QTMAN: variants seen among roughly 807,000 people sequenced by gnomAD.
QTMAN encodes the protein tRNA-queuosine alpha-mannosyltransferase.
chr2:144,091,676 C>A, the QTMAN span, among the ~76,000 whole-genome samples: 72 of 152,210 alleles, frequency 4.7e-4, no homozygotes, highest in Admixed American at 5.2e-4. Flanking sequence ...CTATTCCACT[C>A]CTAGGTATTT....
the QTMAN span, among the ~76,000 whole-genome samples, chr2:143,989,929 C>A: frequency 6.6e-6 from 1 of 152,118 alleles, no homozygotes; most frequent in Admixed American, 6.5e-5. Flanking sequence ...AATCTATTAT[C>A]CCTGAATCGA....
At chr2:143,956,749 C>G in the QTMAN span, among the ~76,000 whole-genome samples, 3 of 152,186 alleles carry the variant, frequency 2.0e-5, no homozygotes, top group East Asian at 5.8e-4. Context: ...TTCATGTGCA[C>G]AAGACATTAA....
chr2:144,064,329 T>C, the QTMAN span, among the ~76,000 whole-genome samples: 1 of 152,240 alleles, frequency 6.6e-6, no homozygotes, highest in Non-Finnish European at 1.5e-5. Context: ...GGCTGTGGTC[T>C]GTACATTAGA....
At chr2:144,112,459 G>A in the QTMAN span, among the ~76,000 whole-genome samples, 1 of 152,250 alleles carries the variant, frequency 6.6e-6, no homozygotes, top group African/African-American at 2.4e-5. Flanking sequence ...TATTAAAGAA[G>A]TCAGCAACCT....
chr2:144,193,173 G>C, the QTMAN span, among the ~76,000 whole-genome samples: 1 of 151,764 alleles, frequency 6.6e-6, no homozygotes, highest in Non-Finnish European at 1.5e-5. Context: ...GTGTTTACTA[G>C]ATAAGAGAGC....
At chr2:144,069,284 T>A in the QTMAN span, among the ~76,000 whole-genome samples, 1 of 142,734 alleles carries the variant, frequency 7.0e-6, no homozygotes, top group Non-Finnish European at 1.5e-5. Flanking sequence ...GTCAGTCTTA[T>A]GGGAATCTTT....
At chr2:144,323,995 C>T in the QTMAN span, among the ~76,000 whole-genome samples, 1 of 152,174 alleles carries the variant, frequency 6.6e-6, no homozygotes, top group Non-Finnish European at 1.5e-5. Context: ...TCTTCACAAC[C>T]ACCTTTTTAT....
the QTMAN span, among the ~76,000 whole-genome samples, chr2:143,997,932 T>C: frequency 1.3e-5 from 2 of 152,064 alleles, no homozygotes; most frequent in African/African-American, 4.8e-5. Flanking sequence ...CAGGACTTAA[T>C]TGTCAACTGC....
the QTMAN span, among the ~76,000 whole-genome samples, chr2:144,259,201 C>A: frequency 6.6e-6 from 1 of 152,180 alleles, no homozygotes; most frequent in Non-Finnish European, 1.5e-5. Context: ...CTGTGTCGCC[C>A]AGGCTGGAGT....
At chr2:144,317,435 G>GGAAGGAAGGA in the QTMAN span, 29 of 66,136 alleles carry the variant, frequency 4.4e-4, no homozygotes, top group Admixed American at 4.1e-3. Flanking sequence ...GGAAGGAAGG[G>GGAAGGAAGGA]ACAATAAAAT....
chr2:143,938,094 A>T, the QTMAN span: 4 of 152,234 alleles, frequency 2.6e-5, no homozygotes, highest in Non-Finnish European at 4.4e-5. Context: ...TGTAGATTCC[A>T]TTTTATTGGC....
At chr2:144,314,785 T>G in the QTMAN span, among the ~76,000 whole-genome samples, 1 of 152,164 alleles carries the variant, frequency 6.6e-6, no homozygotes, top group Non-Finnish European at 1.5e-5. Context: ...TTTTTGAAAG[T>G]GGGATAGTTA....
the QTMAN span, among the ~76,000 whole-genome samples, chr2:144,014,823 T>G: frequency 6.6e-6 from 1 of 152,242 alleles, no homozygotes; most frequent in Non-Finnish European, 1.5e-5. Context: ...TATTCTTTTA[T>G]ATTTTTATTT....
chr2:143,957,120 GAAAT>G, the QTMAN span: 19 of 1,168,960 alleles, frequency 1.6e-5, no homozygotes, highest in Non-Finnish European at 2.0e-5. Flanking sequence ...TGTATTATTT[GAAAT>G]AACAGCGAAC....
chr2:144,037,072 A>C, the QTMAN span, among the ~76,000 whole-genome samples: 712 of 152,330 alleles, frequency 4.7e-3, 2 homozygotes, highest in Non-Finnish European at 7.2e-3. Context: ...ATCCAAGGAG[A>C]TAGAACACAG....
the QTMAN span, among the ~76,000 whole-genome samples, chr2:144,070,171 T>C: frequency 3.5e-4 from 54 of 152,140 alleles, no homozygotes; most frequent in South Asian, 4.1e-4. Context: ...TCCTAATAAA[T>C]GTTGAATGTA....
chr2:144,098,644 G>C, the QTMAN span, among the ~76,000 whole-genome samples: 3 of 151,910 alleles, frequency 2.0e-5, no homozygotes, highest in East Asian at 5.8e-4. Flanking sequence ...GAACCTGGGA[G>C]GCGGACGTTG....
chr2:144,193,876 C>T, the QTMAN span, among the ~76,000 whole-genome samples: 1 of 151,976 alleles, frequency 6.6e-6, no homozygotes, highest in African/African-American at 2.4e-5. Context: ...AAATTGATAC[C>T]AGAACTGAAA....
the QTMAN span, among the ~76,000 whole-genome samples, chr2:144,149,200 C>T: frequency 9.2e-5 from 14 of 151,984 alleles, no homozygotes; most frequent in East Asian, 2.7e-3. Context: ...TAAATCCTAA[C>T]AAGGTGCATT....
Sources: allele counts gnomAD v4.1 joint callset (sites outside exome capture counted in the v4.1 genomes callset), GRCh38; gene constraint gnomAD v4.1.1; transcripts MANE v1.5; gene names NCBI Gene and HGNC (gene_info 2026-07-23, HGNC 2026-07-21).